Variants in LEPROTL1 observed in about 807,000 individuals in gnomAD.
The protein encoded by LEPROTL1 is leptin receptor overlapping transcript like 1.
A neutral mutation model predicts 15.4 loss-of-function variants in LEPROTL1; 6 were observed. The observed-to-expected ratio is 0.39, with a 90% CI of 0.21 to 0.77. The LOEUF (loss-of-function observed/expected upper bound fraction) is 0.77, where lower values mean the gene tolerates loss of function less well. Ranked by LOEUF, LEPROTL1 falls within the 30% of genes least tolerant of loss-of-function variation. LEPROTL1 has a pLI of 0.41. For synonymous variants in LEPROTL1, 56 were observed against 52.6 expected, an observed-to-expected ratio of 1.06 and a Z score of -0.28; for missense variants, 128 against 158.1, an observed-to-expected ratio of 0.81 and a Z score of 1.02.
At chr8:30,135,449 C>A (rs534027333) in intron 4 of LEPROTL1, among the ~76,000 whole-genome samples, 8 of 152,252 alleles carry the variant, frequency 5.3e-5, no homozygotes, top group Non-Finnish European at 8.8e-5. Flanking sequence ...AAATACGAAC[C>A]AGGCCCTGGC....
chr8:30,116,831 T>G (rs2117506752), intron 3 of LEPROTL1, among the ~76,000 whole-genome samples: 1 of 152,236 alleles, frequency 6.6e-6, no homozygotes, highest in South Asian at 2.1e-4. Context: ...ACATCGTGGG[T>G]TCTCTAGGGA....
chr8:30,132,218 C>G, intron 3 of LEPROTL1: 2 of 1,551,858 alleles, frequency 1.3e-6, no homozygotes, highest in Non-Finnish European at 1.7e-6. Context: ...AAACCAAACA[C>G]CTGTCCTGGA....
At chr8:30,117,795 A>G in intron 3 of LEPROTL1, 1 of 727,898 alleles carries the variant, frequency 1.4e-6, no homozygotes, top group Non-Finnish European at 2.4e-6. Flanking sequence ...CGGCGCAGAA[A>G]GATGGCAGGA....
rs181579781 is a variant in LEPROTL1 at position 30,102,199 on chromosome 8, G to A, written c.92+226G>A. Among the ~76,000 whole-genome samples the A allele has an allele frequency of 1.8e-4, 27 of 152,236 alleles. 1 individual carries two copies. The highest frequency in any genetic ancestry group is 3.4e-3 in the Middle Eastern group (1 of 294). On this transcript the variant is annotated intron_variant, in intron 2 of 3. Coordinates refer to ENST00000321250, the MANE Select transcript of LEPROTL1 (RefSeq NM_015344.3). ...TTACCTGCTCTTTCACTACTGCTGA[G>A]TCTGCAGTGGCAAGATAGCTACACA...
intron 3 of LEPROTL1, among the ~76,000 whole-genome samples, chr8:30,121,602 G>A (rs897917319): frequency 2.0e-5 from 3 of 152,142 alleles, no homozygotes; most frequent in African/African-American, 7.2e-5. Flanking sequence ...GAAACCTGAA[G>A]GAAAGCAAAA....
At chr8:30,125,310 G>A (rs1328018079) in intron 3 of LEPROTL1, among the ~76,000 whole-genome samples, 3 of 152,136 alleles carry the variant, frequency 2.0e-5, no homozygotes, top group Non-Finnish European at 4.4e-5. Context: ...TTAAACCTAC[G>A]ATTCAGAAAA....
At chr8:30,099,054 C>T (rs957382207) in intron 1 of LEPROTL1, among the ~76,000 whole-genome samples, 3 of 152,154 alleles carry the variant, frequency 2.0e-5, no homozygotes, top group African/African-American at 7.2e-5. Flanking sequence ...GCCACTGTAT[C>T]TAGACTAGCA....
chr8:30,095,684 C>G, intron 1 of LEPROTL1, 156 bp downstream of exon 1: 3 of 757,942 alleles, frequency 4.0e-6, no homozygotes, highest in Non-Finnish European at 6.3e-6. Flanking sequence ...TGCGCTTGGC[C>G]CGGAGGTGGG....
Position 30,099,171 on chromosome 8 carries a change from A to G in LEPROTL1, c.17-2727A>G, listed in dbSNP as rs570152235. ...CTAGAACGTGAGAGCAAAAGCTTTG[A>G]TTGTTGTCATTGCTCTGTCTCCAGT... On this transcript the variant is annotated intron_variant, in intron 1 of 3. Transcript: ENST00000321250. Among the ~76,000 whole-genome samples the G allele has an allele frequency of 5.1e-4, 77 of 152,284 alleles. No homozygotes were observed. The Middle Eastern group carries it at 0.01, about 20-fold the overall frequency.
intron 3 of LEPROTL1, among the ~76,000 whole-genome samples, chr8:30,114,125 A>G (rs1372070486): frequency 6.6e-6 from 1 of 152,158 alleles, no homozygotes; most frequent in African/African-American, 2.4e-5. Context: ...AAAGACACAT[A>G]GTATAATCTT....
At chr8:30,118,216 G>C (rs2117509197) in intron 3 of LEPROTL1, among the ~76,000 whole-genome samples, 1 of 151,892 alleles carries the variant, frequency 6.6e-6, no homozygotes, top group Admixed American at 6.6e-5. Context: ...GTAGAGACTG[G>C]GTTGGCCAGG....
chr8:30,124,712 A>G (rs1802881823), intron 3 of LEPROTL1, among the ~76,000 whole-genome samples: 1 of 152,218 alleles, frequency 6.6e-6, no homozygotes, highest in Non-Finnish European at 1.5e-5. Flanking sequence ...AACTATATAA[A>G]CAGAAAAAAG....
At chr8:30,112,295 G>A (rs1474171642), downstream of LEPROTL1, among the ~76,000 whole-genome samples, 6 of 151,478 alleles carry the variant, frequency 4.0e-5, no homozygotes, top group Non-Finnish European at 8.8e-5. Flanking sequence ...GAGTTCAGTG[G>A]TGTGATCTCG....
At position 30,130,819 on chromosome 8, in the gene LEPROTL1, G is replaced by A. The variant is rs191401250; in HGVS notation, c.280-1556G>A. Among the ~76,000 whole-genome samples the A allele has an allele frequency of 5.1e-3, 699 of 136,688 alleles. 14 individuals are homozygous for A. The highest frequency in any genetic ancestry group is 0.018 in the African/African-American group (662 of 36,818). The allele number at this position is 136,688 out of a possible 152,430, so 89.7% of individuals were successfully genotyped here. A position where few individuals can be genotyped will look rare whatever the true frequency, so the allele number is the denominator to read the frequency against. Reference sequence around the variant, plus strand: ...TTTTGAGGTGGAATCTTGCTCTGTCGCCCAGGCTGGAGTGTAGTGGTGTGA... The same window carrying A: ...TTTTGAGGTGGAATCTTGCTCTGTCACCCAGGCTGGAGTGTAGTGGTGTGA... On this transcript the variant is annotated intron_variant, in intron 3 of 4. Coordinates refer to the LEPROTL1 transcript ENST00000442880.
At chr8:30,121,178 CTG>C (rs1312904788) in intron 3 of LEPROTL1, among the ~76,000 whole-genome samples, 2 of 152,132 alleles carry the variant, frequency 1.3e-5, no homozygotes, top group African/African-American at 4.8e-5. Context: ...CTCCAGGGTT[CTG>C]TGTTTCATCT....
intron 3 of LEPROTL1, among the ~76,000 whole-genome samples, chr8:30,115,884 ACT>A (rs1802734158): frequency 6.6e-6 from 1 of 152,094 alleles, no homozygotes; most frequent in Non-Finnish European, 1.5e-5. Flanking sequence ...GAAAATGATC[ACT>A]CTCATAGATT....
intron 3 of LEPROTL1, among the ~76,000 whole-genome samples, chr8:30,123,095 G>A (rs1802854238): frequency 6.6e-6 from 1 of 152,164 alleles, no homozygotes; most frequent in African/African-American, 2.4e-5. Context: ...CAGCTAGTAT[G>A]AAGGCCAGGG....
intron 3 of LEPROTL1, chr8:30,117,697 T>A (rs1267643547): frequency 1.4e-6 from 2 of 1,447,446 alleles, no homozygotes; most frequent in Admixed American, 3.4e-5. Context: ...CACGGCCTAA[T>A]AAGCACCTGG....
At chr8:30,132,792 G>A in intron 4 of LEPROTL1, 1 of 1,551,752 alleles carries the variant, frequency 6.4e-7, no homozygotes, top group South Asian at 1.2e-5. Flanking sequence ...CAGACAAAGA[G>A]CTCCTGCTCC....
Sources: allele counts gnomAD v4.1 joint callset (sites outside exome capture counted in the v4.1 genomes callset), GRCh38; gene constraint gnomAD v4.1.1; transcripts MANE v1.5; gene names NCBI Gene and HGNC (gene_info 2026-07-23, HGNC 2026-07-21).